Variants in CACNA1C observed in about 807,000 individuals in gnomAD.
The protein encoded by CACNA1C is voltage-dependent L-type calcium channel subunit alpha-1C.
In CACNA1C, 30 loss-of-function variants were observed where a neutral mutation model predicts 229.0. The observed-to-expected ratio is 0.13, with a 90% confidence interval of 0.10 to 0.18. The LOEUF is 0.18. Among genes scored for constraint, CACNA1C ranks in the 10% least tolerant of loss-of-function variants. The pLI is 1.00. For synonymous variants in CACNA1C, 1,114 were observed against 1,132.5 expected, an observed-to-expected ratio of 0.98 and a Z score of 0.33; for missense variants, 1,658 against 2,845.0, an observed-to-expected ratio of 0.58 and a Z score of 9.49.
chr12:2,228,519 C>T (rs2063713254), intron 3 of CACNA1C, among the ~76,000 whole-genome samples: 1 of 152,138 alleles, frequency 6.6e-6, no homozygotes, highest in Non-Finnish European at 1.5e-5. Flanking sequence ...GGAGTTAAGC[C>T]TGAGTTTTCG....
rs1324941269 is a variant in CACNA1C at position 2,215,813 on chromosome 12, C to A, written c.477+95383C>A. The stretch of plus-strand genomic sequence containing the variant: ...AAGGTGAGTTGAAGGGCCCTGGAGC[C>A]CCAGGCCTGCCTGCCTGGGGAGCAG... On this transcript the variant is annotated intron_variant, in intron 3 of 46. Transcript: ENST00000399655. The surrounding 1 kb of genome is among the most constrained non-coding windows in gnomAD (Gnocchi z 5.0). Among the ~76,000 whole-genome samples, 1 of 152,182 alleles carries A rather than the reference C, an allele frequency of 6.6e-6. No individual in the cohort carries two copies. The highest frequency in any genetic ancestry group is 1.5e-5 in the Non-Finnish European group (1 of 68,040).
Position 2,600,026 on chromosome 12 carries a change from A to T in CACNA1C, c.2854-1828A>T, listed in dbSNP as rs558555333. ...ATTAGTCCACCCATCTGAGGAATGCAGAGTGTTCTGTTAGAGCTCAGTAGT... is the reference window on the plus strand; with the variant it reads ...ATTAGTCCACCCATCTGAGGAATGCTGAGTGTTCTGTTAGAGCTCAGTAGT... On this transcript the variant is annotated intron_variant, in intron 21 of 46. Transcript: ENST00000399655. 9.4e-4 allele frequency among the ~76,000 whole-genome samples: 143 copies of T among 152,318 alleles called. 2 individuals are homozygous for T. Among genetic ancestry groups the T allele is most frequent in the Admixed American group, 8.2e-3 (126 of 15,302 alleles).
intron 3 of CACNA1C, among the ~76,000 whole-genome samples, chr12:2,380,077 G>T (rs1296115746): frequency 6.6e-6 from 1 of 151,332 alleles, no homozygotes; most frequent in Non-Finnish European, 1.5e-5. Flanking sequence ...TTTGGCACAG[G>T]TCCCCTGGTT....
chr12:2,646,099 A>G lies in CACNA1C; in HGVS notation c.3913-2376A>G, dbSNP rs779143144. On this transcript the variant is annotated intron_variant, in intron 30 of 46. Transcript: ENST00000399655. This position sits in a 1 kb window ranked among gnomAD's most constrained non-coding sequence, Gnocchi z 4.6. Reference sequence around the variant, plus strand: ...TACTAAAATACAAAATACTATCAAGATTATCTGAACAGATCCAAAGTCAAG... The same window carrying G: ...TACTAAAATACAAAATACTATCAAGGTTATCTGAACAGATCCAAAGTCAAG... 6.6e-6 allele frequency among the ~76,000 whole-genome samples: 1 copy of G among 152,230 alleles called. No individual in the cohort carries two copies. The highest frequency in any genetic ancestry group is 1.5e-5 in the Non-Finnish European group (1 of 68,036).
intron 10 of CACNA1C, 79 bp from the exon 11 acceptor site, chr12:2,556,872 A>G (rs2044601215): frequency 1.6e-6 from 2 of 1,226,846 alleles, no homozygotes; most frequent in South Asian, 2.4e-5. Context: ...GGAACATCAA[A>G]TTTCCCTGGG....
chr12:2,005,204 G>A (rs2043179419), intron 1 of CACNA1C, among the ~76,000 whole-genome samples: 1 of 151,758 alleles, frequency 6.6e-6, no homozygotes, highest in South Asian at 2.1e-4. Context: ...TTCTTGATAA[G>A]CAGTAAGAAT....
At chr12:2,629,320 G>A (rs368100681) in intron 29 of CACNA1C, among the ~76,000 whole-genome samples, 4 of 152,200 alleles carry the variant, frequency 2.6e-5, no homozygotes, top group African/African-American at 9.7e-5. Context: ...TTTCCCACTG[G>A]GAGATGGGCA....
At chr12:2,424,762 G>A (rs1166342531) in intron 3 of CACNA1C, among the ~76,000 whole-genome samples, 1 of 152,212 alleles carries the variant, frequency 6.6e-6, no homozygotes, top group Non-Finnish European at 1.5e-5. Context: ...TCCTGTGGGA[G>A]GGTGAGGAGG....
chr12:2,567,462 G>A (rs2051788497), intron 12 of CACNA1C, 107 bp from the exon 13 acceptor site: 2 of 700,760 alleles, frequency 2.9e-6, no homozygotes. Context: ...GAGGTGTCAT[G>A]GGGGATCTTT....
chr12:2,643,534 A>T (rs2093986279), intron 30 of CACNA1C, among the ~76,000 whole-genome samples: 1 of 152,186 alleles, frequency 6.6e-6, no homozygotes, highest in Non-Finnish European at 1.5e-5. Flanking sequence ...TCTCTTAGCA[A>T]GTACCTGTTC....
intron 1 of CACNA1C, among the ~76,000 whole-genome samples, chr12:1,996,636 AAAAAAAAAAAAAAAAAAAACAAC>A (rs1194284546): frequency 4.1e-5 from 5 of 120,702 alleles, no homozygotes; most frequent in Admixed American, 8.5e-5. Flanking sequence ...AAAAAAAAAA[AAAAAAAAAAAAAAAAAAAACAAC>A]AAACTCTTCT....
At chr12:2,437,908 GGTA>G (rs1173923414) in intron 3 of CACNA1C, among the ~76,000 whole-genome samples, 1 of 151,286 alleles carries the variant, frequency 6.6e-6, no homozygotes, top group Non-Finnish European at 1.5e-5. Context: ...TGATAGTAGA[GGTA>G]GTAGAGATGG....
chr12:2,404,061 G>A lies in CACNA1C; in HGVS notation c.478-44915G>A, dbSNP rs889549674. On this transcript the variant is annotated intron_variant, in intron 3 of 46. Transcript: ENST00000399655. ...AGGCTGGTCACCTCTGGTTGTGGGCGCTTCATCCATTTCCCTGTGGATGCC... is the reference window on the plus strand; with the variant it reads ...AGGCTGGTCACCTCTGGTTGTGGGCACTTCATCCATTTCCCTGTGGATGCC... Among the ~76,000 whole-genome samples the A allele has an allele frequency of 9.8e-5, 15 of 152,298 alleles. No homozygotes were observed. In the South Asian group the frequency reaches 1.0e-3, roughly 11 times the overall value.
At chr12:2,515,942 A>G (rs1399702226) in intron 9 of CACNA1C, among the ~76,000 whole-genome samples, 6 of 152,210 alleles carry the variant, frequency 3.9e-5, no homozygotes, top group Non-Finnish European at 8.8e-5. Flanking sequence ...AGGCACTGCC[A>G]TAGACACTGG....
intron 3 of CACNA1C, among the ~76,000 whole-genome samples, chr12:2,340,972 A>G (rs192920864): frequency 8.6e-4 from 131 of 152,248 alleles, no homozygotes; most frequent in African/African-American, 3.0e-3. Flanking sequence ...AGAAAAAAAA[A>G]AGACTTGGCC....
At chr12:2,408,649 G>C (rs1044567731) in intron 3 of CACNA1C, among the ~76,000 whole-genome samples, 2 of 151,972 alleles carry the variant, frequency 1.3e-5, no homozygotes, top group African/African-American at 4.8e-5. Flanking sequence ...TACATATAAC[G>C]TACAGGGATT....
intron 9 of CACNA1C, among the ~76,000 whole-genome samples, chr12:2,549,329 A>T (rs1280962632): frequency 6.6e-6 from 1 of 152,192 alleles, no homozygotes; most frequent in Non-Finnish European, 1.5e-5. Context: ...TTATGTCTGC[A>T]GGGCTAGCTT....
At chr12:2,241,846 A>G (rs1353459408) in intron 3 of CACNA1C, among the ~76,000 whole-genome samples, 6 of 152,186 alleles carry the variant, frequency 3.9e-5, no homozygotes. Context: ...TGTGCCTGGC[A>G]CGCAGTGGGT....
At chr12:2,636,172 C>T (rs919893582) in intron 30 of CACNA1C, among the ~76,000 whole-genome samples, 1 of 152,208 alleles carries the variant, frequency 6.6e-6, no homozygotes, top group African/African-American at 2.4e-5. Context: ...TTCCAGACAG[C>T]AGTGCAGAGC....
Sources: gnomAD v4.1 joint callset for allele counts (sites outside exome capture counted in the v4.1 genomes callset) on GRCh38, gnomAD v4.1.1 for gene constraint, Gnocchi (gnomAD v3.1) non-coding constraint, MANE v1.5 for transcripts, NCBI Gene and HGNC (gene_info 2026-07-23, HGNC 2026-07-21) for gene names.